FARSB: variants seen among roughly 807,000 people sequenced by gnomAD.
The protein encoded by FARSB is phenylalanine--tRNA ligase beta subunit.
A neutral mutation model predicts 69.6 loss-of-function variants in FARSB; 40 were observed. That is an observed-to-expected ratio of 0.57 (90% CI 0.45 to 0.75). The LOEUF is 0.75. Among genes scored for constraint, FARSB ranks in the 30% least tolerant of loss-of-function variants. The pLI, the probability that FARSB is intolerant of heterozygous loss-of-function variation, is 0.00. For synonymous variants in FARSB, 235 were observed against 247.2 expected (o/e 0.95, Z 0.46); for missense variants, 632 against 722.9 (o/e 0.87, Z 1.44).
At chr2:222,642,732 G>T in intron 3 of FARSB, 119 bp downstream of exon 3, 1 of 662,762 alleles carries the variant, frequency 1.5e-6, no homozygotes, top group Non-Finnish European at 2.5e-6. Context: ...TCTATTGAGA[G>T]CTAAAGCTAC....
intron 15 of FARSB, among the ~76,000 whole-genome samples, chr2:222,604,924 C>T (rs1284902245): frequency 6.6e-6 from 1 of 151,822 alleles, no homozygotes; most frequent in Non-Finnish European, 1.5e-5. Context: ...AAGATAAGCA[C>T]ACACAAATAG....
chr2:222,624,027 G>A (rs921730740), intron 12 of FARSB, among the ~76,000 whole-genome samples: 1 of 152,020 alleles, frequency 6.6e-6, no homozygotes, highest in Non-Finnish European at 1.5e-5. Context: ...ATGAATCTCT[G>A]AGAGATTCAA....
chr2:222,633,334 T>C lies in FARSB; in HGVS notation c.607-27A>G, dbSNP rs201346579. The C allele has an allele frequency of 8.7e-6, 10 of 1,151,928 alleles. No homozygotes were observed. In the East Asian group the frequency reaches 2.4e-4, roughly 27 times the overall value. The allele number at this position is 1,151,928 out of a possible 1,614,324, so 71.4% of individuals were successfully genotyped here. On this transcript the variant is annotated intron_variant, in intron 6 of 16. Coordinates refer to ENST00000281828, the MANE Select transcript of FARSB (RefSeq NM_005687.5). ...TGAAAACAAATTAAGTCAAATAAAA[T>C]TAGTTTTTTTTTTTAATTTCTATCA...
chr2:222,655,977 G>A lies in FARSB; in HGVS notation c.58+39C>T, dbSNP rs1209233205. On this transcript the variant is annotated intron_variant, in intron 1 of 16. Transcript: ENST00000281828. Reference sequence around the variant, plus strand: ...TTTTGGAGGGAGGCCCTGCCTCCGAGAAGAGGCGTAGGGCCCAACGTATAG... The same window carrying A: ...TTTTGGAGGGAGGCCCTGCCTCCGAAAAGAGGCGTAGGGCCCAACGTATAG... 6 of 1,503,072 alleles carry A rather than the reference G, an allele frequency of 4.0e-6. No individual in the cohort carries two copies. The South Asian group carries it at 7.1e-5, about 18-fold the overall frequency. 93.1% of individuals were successfully genotyped at this position (1,503,072 alleles called of 1,614,324 possible).
intron 14 of FARSB, among the ~76,000 whole-genome samples, chr2:222,615,938 T>G (rs184016473): frequency 2.3e-4 from 35 of 152,298 alleles, no homozygotes; most frequent in African/African-American, 7.7e-4. Context: ...TGAAATATAA[T>G]AAACAAACTA....
Position 222,571,124 on chromosome 2 carries a change from G to A in FARSB, c.*747C>T, listed in dbSNP as rs911008386. On this transcript the variant is annotated 3_prime_UTR_variant, in exon 17 of 17. Coordinates refer to ENST00000281828, the MANE Select transcript of FARSB (RefSeq NM_005687.5). ...TATAACTGACTGATTACAGTAACAT[G>A]TATGGCCTATGGCAAAAATAAGCTT... The A allele has an allele frequency of 1.3e-5, 2 of 152,192 alleles. No homozygotes were observed. The highest frequency in any genetic ancestry group is 2.4e-5 in the African/African-American group (1 of 41,454). The allele number at this position is 152,192 out of a possible 1,614,324, so 9.4% of individuals were successfully genotyped here.
At chr2:222,630,277 G>A in intron 8 of FARSB, 103 bp from the exon 9 acceptor site, 1 of 595,436 alleles carries the variant, frequency 1.7e-6, no homozygotes, top group Admixed American at 3.4e-5. Context: ...CACATCTAAT[G>A]GACCTTTACG....
chr2:222,647,646 T>C (rs1203310216), intron 2 of FARSB, among the ~76,000 whole-genome samples: 1 of 152,180 alleles, frequency 6.6e-6, no homozygotes, highest in Non-Finnish European at 1.5e-5. Context: ...CTTCCTGTAA[T>C]CCCAGCTACT....
Position 222,585,349 on chromosome 2 carries a change from C to A in FARSB, c.1619-13327G>T, listed in dbSNP as rs574642616. Among the ~76,000 whole-genome samples the A allele has an allele frequency of 2.0e-5, 3 of 152,304 alleles. No homozygotes were observed. In the East Asian group the frequency reaches 5.8e-4, roughly 29 times the overall value. The stretch of plus-strand genomic sequence containing the variant: ...AACATCAACAAAAAGGACATCCACA[C>A]CAAAACCTCATCTGTAGGTCACCAT... On this transcript the variant is annotated intron_variant, in intron 16 of 16. Transcript: ENST00000281828.
At chr2:222,575,579 T>G (rs1346694317) in intron 16 of FARSB, among the ~76,000 whole-genome samples, 2 of 152,196 alleles carry the variant, frequency 1.3e-5, no homozygotes, top group African/African-American at 4.8e-5. Flanking sequence ...ACCTACTTCC[T>G]TATACTGGTT....
chr2:222,647,239 TC>T (rs1417471484), intron 2 of FARSB, among the ~76,000 whole-genome samples: 1 of 152,174 alleles, frequency 6.6e-6, no homozygotes, highest in Non-Finnish European at 1.5e-5. Flanking sequence ...CAGCTGATGG[TC>T]ACTGGGTCTT....
chr2:222,651,198 G>A (rs761868044), intron 1 of FARSB, among the ~76,000 whole-genome samples: 5 of 152,140 alleles, frequency 3.3e-5, no homozygotes, highest in Non-Finnish European at 5.9e-5. Context: ...GAGGCGGAAG[G>A]CTTAGCAACA....
chr2:222,639,647 T>C lies in FARSB; in HGVS notation c.388A>G (p.Lys130Glu). The change falls in exon 5 of 17, where the codon AAG becomes GAG. Residue 130 changes from lysine (K) to glutamate (E), a missense_variant. Physicochemically the swap from Lys to Glu is moderately conservative, Grantham distance 56. Coordinates refer to ENST00000281828, the MANE Select transcript of FARSB (RefSeq NM_005687.5). Reference sequence around the variant, plus strand: ...CTGTCATATCGATCTTTAGTAAACTTTATATTACGGAGAACTGCTGCTACC... The same window carrying C: ...CTGTCATATCGATCTTTAGTAAACTCTATATTACGGAGAACTGCTGCTACC... ...FAVAAVLRNI[K>E]FTKDRYDSFI... is the part of the protein sequence containing the mutation. 6.3e-7 allele frequency: 1 copy of C among 1,594,142 alleles called. No individual in the cohort carries two copies. The highest frequency in any genetic ancestry group is 8.6e-7 in the Non-Finnish European group (1 of 1,168,626).
chr2:222,628,270 T>A lies in FARSB; in HGVS notation c.900+567A>T, dbSNP rs146944748. Among the ~76,000 whole-genome samples the A allele has an allele frequency of 4.3e-3, 662 of 152,284 alleles. 5 individuals are homozygous for A. Among genetic ancestry groups the A allele is most frequent in the African/African-American group, 0.015 (621 of 41,566 alleles). ...CTACAAAATAATTAACGACAATTTA[T>A]TGTATATTTTCAAATATAGAGGAGC... On this transcript the variant is annotated intron_variant, in intron 10 of 16. Coordinates refer to ENST00000281828, the MANE Select transcript of FARSB (RefSeq NM_005687.5).
intron 15 of FARSB, among the ~76,000 whole-genome samples, chr2:222,600,593 T>G (rs1690533586): frequency 6.6e-6 from 1 of 152,226 alleles, no homozygotes; most frequent in African/African-American, 2.4e-5. Flanking sequence ...AAAGCATCTT[T>G]ATGATGGTTT....
chr2:222,573,460 C>A lies in FARSB; in HGVS notation c.1619-1438G>T, dbSNP rs114786175. On this transcript the variant is annotated intron_variant, in intron 16 of 16. Transcript: ENST00000281828. ...AAATAAAACAATGCAGAAACCAAACCCAACTAATATTATAGAGCCTTAGTT... is the reference window on the plus strand; with the variant it reads ...AAATAAAACAATGCAGAAACCAAACACAACTAATATTATAGAGCCTTAGTT... Among the ~76,000 whole-genome samples the A allele has an allele frequency of 5.3e-3, 811 of 152,142 alleles. 9 individuals are homozygous for A. Among genetic ancestry groups the A allele is most frequent in the African/African-American group, 0.019 (781 of 41,506 alleles).
At chr2:222,588,694 C>G (rs1255734193) in intron 16 of FARSB, among the ~76,000 whole-genome samples, 1 of 152,232 alleles carries the variant, frequency 6.6e-6, no homozygotes, top group Non-Finnish European at 1.5e-5. Flanking sequence ...GCAAAAATCA[C>G]AAGCATTCCT....
chr2:222,639,731 T>C, intron 4 of FARSB, 36 bp from the exon 5 acceptor site: 1 of 1,015,438 alleles, frequency 9.8e-7, no homozygotes, highest in South Asian at 1.8e-5. Flanking sequence ...TAGCAAACAG[T>C]AAGGCTTTTC....
At position 222,571,868 on chromosome 2, in the gene FARSB, T is replaced by G. The variant is rs1483742305; in HGVS notation, c.*3A>C. 6.2e-7 allele frequency: 1 copy of G among 1,611,640 alleles called. No individual in the cohort carries two copies. Among genetic ancestry groups the G allele is most frequent in the Non-Finnish European group, 8.5e-7 (1 of 1,178,876 alleles). ...AAGAGAATCACACCACAGAGACCAA[T>G]CTTCACAAAAAGGGTCCAACATTGA... On this transcript the variant is annotated 3_prime_UTR_variant, in exon 17 of 17. Transcript: ENST00000281828.
Sources: allele counts gnomAD v4.1 joint callset (sites outside exome capture counted in the v4.1 genomes callset), GRCh38; gene constraint gnomAD v4.1.1; transcripts MANE v1.5; gene names NCBI Gene and HGNC (gene_info 2026-07-23, HGNC 2026-07-21).